The following SLC24A2 variants were observed in gnomAD, a reference collection of about 807,000 sequenced individuals.
SLC24A2 encodes sodium/potassium/calcium exchanger 2.
In SLC24A2, 36 loss-of-function variants were observed where a neutral mutation model predicts 62.0. That is an observed-to-expected ratio of 0.58 (90% CI 0.44 to 0.77). The LOEUF (loss-of-function observed/expected upper bound fraction) is 0.77. SLC24A2 is among the 30% of genes least tolerant of loss of function. SLC24A2 has a pLI of 0.00. For synonymous variants in SLC24A2, 358 were observed against 294.0 expected (o/e 1.22, Z -2.23); for missense variants, 846 against 817.9 (o/e 1.03, Z -0.42).
chr9:20,108,225 T>C, the SLC24A2 span, among the ~76,000 whole-genome samples: 2 of 151,946 alleles, frequency 1.3e-5, no homozygotes, highest in Non-Finnish European at 2.9e-5. Context: ...TATGGAGAAA[T>C]AGGAACACTT....
At chr9:19,629,179 A>G (rs1409597526) in intron 2 of SLC24A2, among the ~76,000 whole-genome samples, 1 of 152,184 alleles carries the variant, frequency 6.6e-6, no homozygotes, top group East Asian at 1.9e-4. Context: ...CAAGTGGCAG[A>G]GCTCAGATAC....
At chr9:20,277,532 A>G in the SLC24A2 span, among the ~76,000 whole-genome samples, 1 of 151,958 alleles carries the variant, frequency 6.6e-6, no homozygotes, top group Non-Finnish European at 1.5e-5. Context: ...CAAAACCACA[A>G]TGAGATACCA....
At chr9:19,752,357 T>G (rs1293471591) in intron 2 of SLC24A2, among the ~76,000 whole-genome samples, 1 of 152,072 alleles carries the variant, frequency 6.6e-6, no homozygotes, top group African/African-American at 2.4e-5. Flanking sequence ...ACAGATCAAT[T>G]CCGACTCGAA....
chr9:19,966,898 A>G, the SLC24A2 span, among the ~76,000 whole-genome samples: 1 of 152,192 alleles, frequency 6.6e-6, no homozygotes, highest in African/African-American at 2.4e-5. Context: ...ACAAATAAAT[A>G]AAAATTTTAA....
intron 2 of SLC24A2, among the ~76,000 whole-genome samples, chr9:19,635,641 T>G (rs1250305011): frequency 1.3e-5 from 2 of 152,192 alleles, no homozygotes; most frequent in Non-Finnish European, 2.9e-5. Flanking sequence ...TCTCTCAAAA[T>G]AATGAGATTT....
At chr9:19,892,642 T>C in the SLC24A2 span, among the ~76,000 whole-genome samples, 1 of 152,332 alleles carries the variant, frequency 6.6e-6, no homozygotes, top group African/African-American at 2.4e-5. Flanking sequence ...AAGGGGCTAA[T>C]GTCCAGTTCG....
intron 2 of SLC24A2, among the ~76,000 whole-genome samples, chr9:19,740,408 C>G (rs1027251037): frequency 2.0e-5 from 3 of 152,164 alleles, no homozygotes; most frequent in Admixed American, 6.6e-5. Context: ...AAAAATAAAA[C>G]TATGGCTATA....
the SLC24A2 span, among the ~76,000 whole-genome samples, chr9:19,998,909 T>C: frequency 6.6e-6 from 1 of 152,202 alleles, no homozygotes; most frequent in African/African-American, 2.4e-5. Context: ...ATCCTATTTG[T>C]TCTAAAGCCA....
At chr9:20,196,090 T>C in the SLC24A2 span, among the ~76,000 whole-genome samples, 4 of 152,294 alleles carry the variant, frequency 2.6e-5, no homozygotes, top group African/African-American at 9.6e-5. Context: ...TTGACCAAAC[T>C]CTATACTTAT....
chr9:20,263,867 C>CA, the SLC24A2 span, among the ~76,000 whole-genome samples: 1 of 109,562 alleles, frequency 9.1e-6, no homozygotes, highest in Non-Finnish European at 1.9e-5. Context: ...ACCCGCCCCC[C>CA]CCCCCCCATT....
chr9:20,181,854 T>C, the SLC24A2 span, among the ~76,000 whole-genome samples: 2 of 152,144 alleles, frequency 1.3e-5, no homozygotes, highest in Non-Finnish European at 2.9e-5. Flanking sequence ...AGGCAACCTA[T>C]AGAATGGGAG....
chr9:19,543,110 G>A (rs1000577881), intron 8 of SLC24A2, among the ~76,000 whole-genome samples: 2 of 152,194 alleles, frequency 1.3e-5, no homozygotes, highest in Non-Finnish European at 2.9e-5. Context: ...TTCAGAAGTT[G>A]TTATTGGTCT....
At chr9:20,118,195 A>C in the SLC24A2 span, among the ~76,000 whole-genome samples, 39 of 152,198 alleles carry the variant, frequency 2.6e-4, 1 homozygote, top group East Asian at 7.1e-3. Flanking sequence ...AAGAAAAAAG[A>C]AACTTCCTCT....
the SLC24A2 span, among the ~76,000 whole-genome samples, chr9:19,874,542 T>G: frequency 6.6e-6 from 1 of 152,216 alleles, no homozygotes; most frequent in Non-Finnish European, 1.5e-5. Flanking sequence ...ATAATGATCT[T>G]GAATATGCAA....
At chr9:20,058,306 A>T in the SLC24A2 span, among the ~76,000 whole-genome samples, 1 of 152,188 alleles carries the variant, frequency 6.6e-6, no homozygotes, top group Non-Finnish European at 1.5e-5. Flanking sequence ...ATTTTTAAAA[A>T]TTCATTACAA....
intron 10 of SLC24A2, among the ~76,000 whole-genome samples, chr9:19,518,493 T>C (rs1476145994): frequency 6.6e-6 from 1 of 150,970 alleles, no homozygotes; most frequent in Non-Finnish European, 1.5e-5. Flanking sequence ...GTGATCTTGG[T>C]TCACTGCAAC....
chr9:20,099,695 A>G, the SLC24A2 span, among the ~76,000 whole-genome samples: 1 of 152,216 alleles, frequency 6.6e-6, no homozygotes, highest in South Asian at 2.1e-4. Flanking sequence ...GATTCAAGCT[A>G]TAGTTTTTCC....
At chr9:19,575,445 A>G (rs887038788) in intron 6 of SLC24A2, among the ~76,000 whole-genome samples, 5 of 152,260 alleles carry the variant, frequency 3.3e-5, no homozygotes, top group African/African-American at 1.2e-4. Context: ...ACAGATGAGC[A>G]GAGACTGCCT....
chr9:19,693,557 T>G (rs1293617208), intron 2 of SLC24A2, among the ~76,000 whole-genome samples: 1 of 152,106 alleles, frequency 6.6e-6, no homozygotes, highest in Non-Finnish European at 1.5e-5. Flanking sequence ...TCTTTATATA[T>G]CTTCAATATA....
Sources: allele counts gnomAD v4.1 joint callset (sites outside exome capture counted in the v4.1 genomes callset), GRCh38; gene constraint gnomAD v4.1.1; transcripts MANE v1.5; gene names NCBI Gene and HGNC (gene_info 2026-07-23, HGNC 2026-07-21).